PRIM2: variants seen among roughly 807,000 people sequenced by gnomAD.
The protein encoded by PRIM2 is DNA primase subunit 2.
Under a neutral mutation model 67.3 loss-of-function variants are expected in PRIM2, and 39 were observed. The observed-to-expected ratio is 0.58, with a 90% confidence interval of 0.45 to 0.76. The LOEUF (loss-of-function observed/expected upper bound fraction) is 0.76. Among genes scored for constraint, PRIM2 ranks in the 30% least tolerant of loss-of-function variants. The pLI is 0.00. For synonymous variants in PRIM2, 143 were observed against 198.7 expected, an observed-to-expected ratio of 0.72 and a Z score of 2.36; for missense variants, 398 against 598.7, an observed-to-expected ratio of 0.66 and a Z score of 3.50.
intron 7 of PRIM2, among the ~76,000 whole-genome samples, chr6:57,417,157 G>A (rs1351147697): frequency 2.6e-5 from 4 of 151,902 alleles, no homozygotes; most frequent in Admixed American, 1.3e-4. Context: ...AGCAGAGACG[G>A]GGTTTCACCA....
intron 7 of PRIM2, among the ~76,000 whole-genome samples, chr6:57,428,064 A>C (rs1486639164): frequency 6.6e-6 from 1 of 152,138 alleles, no homozygotes; most frequent in African/African-American, 2.4e-5. Flanking sequence ...CTGACTTAAA[A>C]AAAAAATTGC....
chr6:57,607,965 A>G (rs1776592273), intron 12 of PRIM2, among the ~76,000 whole-genome samples: 1 of 152,214 alleles, frequency 6.6e-6, no homozygotes, highest in South Asian at 2.1e-4. Context: ...AGTCAGTGGT[A>G]GAACCAAAAA....
chr6:57,533,681 A>C (rs1774938727), intron 9 of PRIM2, among the ~76,000 whole-genome samples: 1 of 152,210 alleles, frequency 6.6e-6, no homozygotes, highest in Non-Finnish European at 1.5e-5. Flanking sequence ...TTCTGTTCTT[A>C]GTTCTAGCTA....
intron 5 of PRIM2, among the ~76,000 whole-genome samples, chr6:57,352,047 C>T (rs62415811): frequency 1.3e-5 from 2 of 152,064 alleles, no homozygotes; most frequent in East Asian, 3.9e-4. Flanking sequence ...ATAGTAAATA[C>T]TCATTAAAGG....
At chr6:57,274,236 C>A in the PRIM2 span, among the ~76,000 whole-genome samples, 1 of 152,248 alleles carries the variant, frequency 6.6e-6, no homozygotes, top group Admixed American at 6.5e-5. Context: ...GTGGAGCCTA[C>A]AGAGGCAGGC....
intron 5 of PRIM2, among the ~76,000 whole-genome samples, chr6:57,337,903 A>G (rs1407547993): frequency 6.6e-6 from 1 of 152,184 alleles, no homozygotes; most frequent in Non-Finnish European, 1.5e-5. Context: ...CCTTCAAAAA[A>G]TTAATGAATC....
intron 5 of PRIM2, among the ~76,000 whole-genome samples, chr6:57,376,376 G>A (rs1465311825): frequency 1.3e-5 from 2 of 152,096 alleles, no homozygotes; most frequent in African/African-American, 4.8e-5. Flanking sequence ...TTCCATTATG[G>A]TTTCAAACCC....
intron 12 of PRIM2, among the ~76,000 whole-genome samples, chr6:57,617,077 A>G (rs1271700227): frequency 1.3e-5 from 2 of 152,250 alleles, no homozygotes; most frequent in Admixed American, 1.3e-4. Flanking sequence ...TTTGGAAGCC[A>G]GCAGTCAAGG....
chr6:57,262,331 T>C, the PRIM2 span, among the ~76,000 whole-genome samples: 1 of 152,196 alleles, frequency 6.6e-6, no homozygotes, highest in African/African-American at 2.4e-5. Context: ...TCTTTTTTTT[T>C]ACATACCGAT....
chr6:57,459,783 G>T (rs1346443463), intron 7 of PRIM2, among the ~76,000 whole-genome samples: 2 of 152,130 alleles, frequency 1.3e-5, no homozygotes, highest in African/African-American at 4.8e-5. Context: ...ATGTTATCCA[G>T]GGTACTTTCC....
At chr6:57,354,265 C>A (rs9357950) in intron 5 of PRIM2, among the ~76,000 whole-genome samples, 1 of 151,974 alleles carries the variant, frequency 6.6e-6, no homozygotes, top group Non-Finnish European at 1.5e-5. Flanking sequence ...TTAAAAAATG[C>A]GATTTGAATC....
intron 10 of PRIM2, among the ~76,000 whole-genome samples, chr6:57,545,032 C>T (rs1775256529): frequency 1.3e-5 from 2 of 152,188 alleles, no homozygotes; most frequent in Admixed American, 6.5e-5. Context: ...CTGTTTCTAA[C>T]AAGTTATAGA....
intron 7 of PRIM2, among the ~76,000 whole-genome samples, chr6:57,491,872 G>T (rs1554345985): frequency 2.7e-3 from 413 of 152,262 alleles, no homozygotes; most frequent in African/African-American, 9.0e-3. Flanking sequence ...GACGAGGCTG[G>T]GTTCCTTATT....
intron 7 of PRIM2, among the ~76,000 whole-genome samples, chr6:57,455,084 AG>A (rs1408488688): frequency 2.6e-5 from 4 of 152,062 alleles, no homozygotes; most frequent in Non-Finnish European, 5.9e-5. Context: ...GTTTCCATGT[AG>A]TTGAGCGGTT....
At chr6:57,332,722 T>G (rs552508469) in intron 5 of PRIM2, among the ~76,000 whole-genome samples, 2 of 152,168 alleles carry the variant, frequency 1.3e-5, no homozygotes, top group Non-Finnish European at 2.9e-5. Context: ...GATATGTCTT[T>G]TTCTATTCTT....
intron 7 of PRIM2, among the ~76,000 whole-genome samples, chr6:57,452,488 A>G (rs1772590111): frequency 1.3e-5 from 2 of 152,204 alleles, no homozygotes; most frequent in African/African-American, 4.8e-5. Flanking sequence ...AACTGGTGTG[A>G]GATGGTATCT....
chr6:57,538,224 A>G (rs1775040720), intron 10 of PRIM2, among the ~76,000 whole-genome samples: 1 of 152,000 alleles, frequency 6.6e-6, no homozygotes, highest in African/African-American at 2.4e-5. Flanking sequence ...GAGTCTCACT[A>G]TGTTGCCCAG....
chr6:57,287,560 G>A, the PRIM2 span, among the ~76,000 whole-genome samples: 4 of 152,076 alleles, frequency 2.6e-5, no homozygotes, highest in African/African-American at 9.7e-5. Context: ...GTTGAACCAT[G>A]AGAACACATG....
At chr6:57,553,842 GA>G (rs1482414589) in intron 10 of PRIM2, among the ~76,000 whole-genome samples, 1 of 152,114 alleles carries the variant, frequency 6.6e-6, no homozygotes, top group Non-Finnish European at 1.5e-5. Context: ...GGCCACATGT[GA>G]GTTCAAGTAG....
Sources: allele counts gnomAD v4.1 joint callset (sites outside exome capture counted in the v4.1 genomes callset), GRCh38; gene constraint gnomAD v4.1.1; transcripts MANE v1.5; gene names NCBI Gene and HGNC (gene_info 2026-07-23, HGNC 2026-07-21).